The following ASPHD2 variants were observed in gnomAD, a reference collection of about 807,000 sequenced individuals.
The protein encoded by ASPHD2 is aspartate beta-hydroxylase domain-containing protein 2.
ASPHD2 carries 12 observed loss-of-function variants against 34.6 expected under a neutral mutation model. The ratio of observed to expected loss-of-function variants is 0.35; its 90% CI spans 0.22 to 0.56. The LOEUF (loss-of-function observed/expected upper bound fraction) is 0.56, where lower values mean the gene tolerates loss of function less well. ASPHD2 is among the 20% of genes least tolerant of loss of function. The probability of loss-of-function intolerance (pLI) is 0.87; values close to 1 mark genes in which losing one functional copy is unlikely to be tolerated. For synonymous variants in ASPHD2, 224 were observed against 212.2 expected, an observed-to-expected ratio of 1.06 and a Z score of -0.48; for missense variants, 375 against 505.0, an observed-to-expected ratio of 0.74 and a Z score of 2.47.
In ASPHD2 at chr22:26,433,949, G is replaced by A. The variant is rs757272291; in HGVS notation, c.334G>A (p.Glu112Lys). Residue 112 changes from glutamate (E) to lysine (K), a missense_variant, in exon 2 of 4, where the codon GAG becomes AAG. Transcript: ENST00000215906. This position sits in a 1 kb window ranked among gnomAD's most constrained non-coding sequence, Gnocchi z 5.1. ...TGGCTACGTGTACTGCCAGTCCCCT[G>A]AGTGCGTGCGCTGCACCCACAACGA... ...QNGYVYCQSP[E>K]CVRCTHNEGL... 31 of 1,613,394 alleles carry A rather than the reference G, an allele frequency of 1.9e-5. No individual in the cohort carries two copies. Among genetic ancestry groups the A allele is most frequent in the Non-Finnish European group, 2.5e-5 (29 of 1,180,020 alleles).
intron 3 of ASPHD2, among the ~76,000 whole-genome samples, 196 bp from the exon 4 acceptor site, chr22:26,442,901 T>C (rs1478117131): frequency 6.6e-6 from 1 of 152,138 alleles, no homozygotes; most frequent in Non-Finnish European, 1.5e-5. Flanking sequence ...CCCATTTCCT[T>C]TTGTCCACCC....
In ASPHD2 at chr22:26,443,982, C is replaced by T. The variant is rs1305649842; in HGVS notation, c.*776C>T. The T allele has an allele frequency of 6.6e-6, 1 of 152,248 alleles. No homozygotes were observed. Among genetic ancestry groups the T allele is most frequent in the Non-Finnish European group, 1.5e-5 (1 of 68,058 alleles). The allele number at this position is 152,248 out of a possible 1,614,324, so 9.4% of individuals were successfully genotyped here. A position where few individuals can be genotyped will look rare whatever the true frequency, so the allele number is the denominator to read the frequency against. ...CGGCTCACACAGATCAGCCACGGAACGTGTGATCCGCTTACCTCACTGCCT... is the reference window on the plus strand; with the variant it reads ...CGGCTCACACAGATCAGCCACGGAATGTGTGATCCGCTTACCTCACTGCCT... On this transcript the variant is annotated 3_prime_UTR_variant, in exon 4 of 4. Coordinates refer to ENST00000215906, the MANE Select transcript of ASPHD2 (RefSeq NM_020437.5).
intron 2 of ASPHD2, among the ~76,000 whole-genome samples, chr22:26,434,982 C>T (rs147558962): frequency 6.6e-6 from 1 of 152,326 alleles, no homozygotes; most frequent in Non-Finnish European, 1.5e-5. Flanking sequence ...GATACTTAAG[C>T]ATCTTTGCAG....
intron 1 of ASPHD2, among the ~76,000 whole-genome samples, chr22:26,431,480 A>G (rs2084755995): frequency 6.6e-6 from 1 of 151,902 alleles, no homozygotes; most frequent in Non-Finnish European, 1.5e-5. Context: ...CCACTCTTGT[A>G]TTTTTCCTAG....
intron 1 of ASPHD2, among the ~76,000 whole-genome samples, chr22:26,430,991 GCTTGA>G (rs1203487013): frequency 6.6e-6 from 1 of 152,150 alleles, no homozygotes; most frequent in Non-Finnish European, 1.5e-5. Flanking sequence ...TCTGCATTTT[GCTTGA>G]CTTAAGTGAT....
At chr22:26,434,904 C>T (rs564635758) in intron 2 of ASPHD2, among the ~76,000 whole-genome samples, 2 of 152,250 alleles carry the variant, frequency 1.3e-5, no homozygotes, top group South Asian at 2.1e-4. Flanking sequence ...GGGACAGTGT[C>T]GTTCTAGAGC....
chr22:26,443,944 C>T lies in ASPHD2; in HGVS notation c.*738C>T, dbSNP rs1471165699. 6.6e-6 allele frequency: 1 copy of T among 152,254 alleles called. No individual in the cohort carries two copies. The highest frequency in any genetic ancestry group is 1.5e-5 in the Non-Finnish European group (1 of 68,046). 9.4% of individuals were successfully genotyped at this position (152,254 alleles called of 1,614,324 possible). A position where few individuals can be genotyped will look rare whatever the true frequency, so the allele number is the denominator to read the frequency against. ...CTGCAAAGCTGAAGCTGGTGTCCCC[C>T]AGCACCAAGCTGCGGCTCACACAGA... On this transcript the variant is annotated 3_prime_UTR_variant, in exon 4 of 4. Coordinates refer to ENST00000215906, the MANE Select transcript of ASPHD2 (RefSeq NM_020437.5).
rs2084769133 is a variant in ASPHD2 at position 26,433,463 on chromosome 22, T to A, written c.-153T>A. Reference sequence around the variant, plus strand: ...GATAATGTGACAAAAACCAGCCTCTTCCACCCCACTGCAGTGACTTTTGCC... The same window carrying A: ...GATAATGTGACAAAAACCAGCCTCTACCACCCCACTGCAGTGACTTTTGCC... On this transcript the variant is annotated 5_prime_UTR_variant, in exon 2 of 4. Coordinates refer to ENST00000215906, the MANE Select transcript of ASPHD2 (RefSeq NM_020437.5). This position sits in a 1 kb window ranked among gnomAD's most constrained non-coding sequence, Gnocchi z 5.1. 1 of 612,558 alleles carries A rather than the reference T, an allele frequency of 1.6e-6. No homozygotes were observed. The highest frequency in any genetic ancestry group is 2.8e-6 in the Non-Finnish European group (1 of 353,500). 37.9% of individuals were successfully genotyped at this position (612,558 alleles called of 1,614,324 possible). A position where few individuals can be genotyped will look rare whatever the true frequency, so the allele number is the denominator to read the frequency against.
chr22:26,435,904 C>T (rs1305948180), intron 2 of ASPHD2, among the ~76,000 whole-genome samples: 2 of 152,138 alleles, frequency 1.3e-5, no homozygotes, highest in African/African-American at 2.4e-5. Flanking sequence ...GAGTCTCTCT[C>T]TGCCTCAGTT....
rs1290556706 is a variant in ASPHD2, at chr22:26,433,800, T to C, written c.185T>C (p.Ile62Thr). Residue 62 changes from isoleucine (I) to threonine (T), a missense_variant, in exon 2 of 4, where the codon ATC (isoleucine) becomes ACC (threonine). Ile to Thr is a moderately conservative substitution (Grantham distance 89). Around this residue, in one of 3 missense-constraint regions of ASPHD2, gnomAD observed 223 missense variants for 257.8 expected, o/e 0.87. Transcript: ENST00000215906. The surrounding 1 kb of genome is among the most constrained non-coding windows in gnomAD (Gnocchi z 5.1). ...SVRDCDTTAV[I>T]TVACLLVLFV... ...CGGGACTGCGACACCACCGCTGTCA[T>C]CACTGTGGCCTGCCTCCTGGTCCTC... The C allele has an allele frequency of 1.2e-6, 2 of 1,613,948 alleles. No homozygotes were observed. The highest frequency in any genetic ancestry group is 3.3e-5 in the Admixed American group (2 of 60,020).
At position 26,434,505 on chromosome 22, in the gene ASPHD2, T is replaced by C. The variant is rs765595155; in HGVS notation, c.886+4T>C. ...ATCCGCATCCGATGCCATTTAGGTA[T>C]GTTGCAAGGACAGGGGTCTCCCGGC... On this transcript the variant is annotated splice_donor_region_variant and intron_variant, in intron 2 of 3. Coordinates refer to ENST00000215906, the MANE Select transcript of ASPHD2 (RefSeq NM_020437.5). 3 of 1,578,748 alleles carry C rather than the reference T, an allele frequency of 1.9e-6. No individual in the cohort carries two copies. In the Middle Eastern group the frequency reaches 5.1e-4, roughly 267 times the overall value.
In ASPHD2 at chr22:26,429,624, C is replaced by A; in HGVS notation, c.-225+138C>A. ...ACCGGCGCCGCCGCCGCCGCCGCCCCCGCCGAGGATGCTCCGGGACCCGGG... is the reference window on the plus strand; with the variant it reads ...ACCGGCGCCGCCGCCGCCGCCGCCCACGCCGAGGATGCTCCGGGACCCGGG... On this transcript the variant is annotated intron_variant, in intron 1 of 3. Transcript: ENST00000215906. The surrounding 1 kb of genome is among the most constrained non-coding windows in gnomAD (Gnocchi z 4.5). 6.4e-6 allele frequency: 1 copy of A among 156,054 alleles called. No individual in the cohort carries two copies. The highest frequency in any genetic ancestry group is 1.7e-4 in the South Asian group (1 of 5,726). 9.7% of individuals were successfully genotyped at this position (156,054 alleles called of 1,614,324 possible). A position where few individuals can be genotyped will look rare whatever the true frequency, so the allele number is the denominator to read the frequency against.
intron 2 of ASPHD2, among the ~76,000 whole-genome samples, chr22:26,437,518 T>C (rs2084799887): frequency 6.6e-6 from 1 of 152,206 alleles, no homozygotes; most frequent in African/African-American, 2.4e-5. Flanking sequence ...TGCTGGGATA[T>C]TCCAGATGCA....
At chr22:26,438,319 T>C (rs1332730349) in intron 2 of ASPHD2, among the ~76,000 whole-genome samples, 1 of 152,050 alleles carries the variant, frequency 6.6e-6, no homozygotes, top group African/African-American at 2.4e-5. Context: ...ATGGCTTCTG[T>C]CAGGATGAGC....
At chr22:26,430,466 C>G (rs1351378278) in intron 1 of ASPHD2, among the ~76,000 whole-genome samples, 1 of 152,134 alleles carries the variant, frequency 6.6e-6, no homozygotes, top group Admixed American at 6.5e-5. Flanking sequence ...ATGTCCCCAT[C>G]CCTGATGAGG....
chr22:26,430,166 A>G (rs1359694377), intron 1 of ASPHD2, among the ~76,000 whole-genome samples: 1 of 152,238 alleles, frequency 6.6e-6, no homozygotes, highest in Non-Finnish European at 1.5e-5. Flanking sequence ...GGTGACAGGC[A>G]TCACACACCT....
At chr22:26,430,707 A>G (rs2146125512) in intron 1 of ASPHD2, among the ~76,000 whole-genome samples, 1 of 152,348 alleles carries the variant, frequency 6.6e-6, no homozygotes, top group South Asian at 2.1e-4. Context: ...TTGAGCTTGT[A>G]AATCCACCTC....
intron 2 of ASPHD2, among the ~76,000 whole-genome samples, chr22:26,439,320 A>T (rs1424116878): frequency 6.6e-6 from 1 of 152,076 alleles, no homozygotes; most frequent in Non-Finnish European, 1.5e-5. Context: ...AATTGCTTGA[A>T]CCCAAGAGGC....
chr22:26,430,943 G>A (rs2084752443), intron 1 of ASPHD2, among the ~76,000 whole-genome samples: 1 of 152,180 alleles, frequency 6.6e-6, no homozygotes, highest in African/African-American at 2.4e-5. Flanking sequence ...GGGGTGTCCA[G>A]TGGAGAGGTT....
Sources: gnomAD v4.1 joint callset for allele counts (sites outside exome capture counted in the v4.1 genomes callset) on GRCh38, gnomAD v4.1.1 for gene constraint, gnomAD v4.1.1 regional missense constraint, Gnocchi (gnomAD v3.1) non-coding constraint, MANE v1.5 for transcripts, NCBI Gene and HGNC (gene_info 2026-07-23, HGNC 2026-07-21) for gene names.